TRIO: variants seen among roughly 807,000 people sequenced by gnomAD.
The protein encoded by TRIO is trio Rho guanine nucleotide exchange factor, also known as triple functional domain protein.
A neutral mutation model predicts 351.9 loss-of-function variants in TRIO; 58 were observed. The ratio of observed to expected loss-of-function variants is 0.16; its 90% CI spans 0.13 to 0.21. The LOEUF (loss-of-function observed/expected upper bound fraction) is 0.21. Ranked by LOEUF, TRIO falls within the 10% of genes least tolerant of loss-of-function variation. TRIO has a pLI of 1.00. For missense variants in TRIO, 3,201 were observed against 4,027.8 expected, an observed-to-expected ratio of 0.79 and a Z score of 5.56; for synonymous variants, 1,758 against 1,595.7, an observed-to-expected ratio of 1.10 and a Z score of -2.42.
At chr5:14,406,811 C>T (rs1388289406) in intron 33 of TRIO, 139 bp downstream of exon 33, 1 of 791,496 alleles carries the variant, frequency 1.3e-6, no homozygotes, top group Non-Finnish European at 2.0e-6. Flanking sequence ...GTGCCAGGAT[C>T]CCGTGGTGGG....
intron 1 of TRIO, among the ~76,000 whole-genome samples, chr5:14,234,077 G>A (rs1793631053): frequency 6.6e-6 from 1 of 152,184 alleles, no homozygotes; most frequent in African/African-American, 2.4e-5. Context: ...ATAGGCATGA[G>A]CCACCATGTC....
intron 38 of TRIO, 62 bp downstream of exon 38, chr5:14,471,528 C>T (rs1754689014): frequency 6.3e-7 from 1 of 1,591,008 alleles, no homozygotes. Context: ...TTGTTGCCTT[C>T]AAAAATGTGA....
At position 14,280,411 on chromosome 5, in the gene TRIO, A is replaced by G. The variant is rs753722635; in HGVS notation, c.322A>G (p.Ile108Val). 3 of 1,614,010 alleles carry G rather than the reference A, an allele frequency of 1.9e-6. No homozygotes were observed. The East Asian group carries it at 6.7e-5, about 36-fold the overall frequency. Residue 108 changes from isoleucine to valine, a missense_variant, in exon 3 of 57, where the codon ATT becomes GTT. Around this residue, in one of 19 missense-constraint regions of TRIO, gnomAD observed 109 missense variants for 134.6 expected, o/e 0.81. Transcript: ENST00000344204. ...ACGACAGGAGGATCTCAGGAGACTC[A>G]TTTCCTATCTAGCCTGTATTCCCAG... ...RIRQEDLRRL[I>V]SYLACIPSEE...
intron 1 of TRIO, among the ~76,000 whole-genome samples, chr5:14,148,839 T>C (rs1343064811): frequency 6.6e-6 from 1 of 152,228 alleles, no homozygotes; most frequent in African/African-American, 2.4e-5. Flanking sequence ...TTGAATCTTC[T>C]CAGCCTCATT....
At chr5:14,428,721 A>G (rs1224252823) in intron 34 of TRIO, among the ~76,000 whole-genome samples, 1 of 152,262 alleles carries the variant, frequency 6.6e-6, no homozygotes, top group Non-Finnish European at 1.5e-5. Flanking sequence ...TATTGACACT[A>G]TCCATATTAG....
rs1394015743 is a variant in TRIO, at chr5:14,168,782, C to A, written c.157+24900C>A. On this transcript the variant is annotated intron_variant, in intron 1 of 56. Transcript: ENST00000344204. The stretch of plus-strand genomic sequence containing the variant: ...TGTTACTATATGTCCATCTATGTGG[C>A]CATCTTCTCATTTTAATTACCAATA... Among the ~76,000 whole-genome samples, 7 of 152,200 alleles carry A rather than the reference C, an allele frequency of 4.6e-5. 1 individual carries two copies.
intron 55 of TRIO, among the ~76,000 whole-genome samples, chr5:14,505,115 C>T (rs535110691): frequency 6.6e-6 from 1 of 152,356 alleles, no homozygotes; most frequent in East Asian, 1.9e-4. Flanking sequence ...CCCCTCTGGT[C>T]CCCGTTGTAC....
At chr5:14,252,161 A>G (rs73751318) in intron 1 of TRIO, among the ~76,000 whole-genome samples, 4,965 of 152,280 alleles carry the variant, frequency 0.033, 284 homozygotes, top group African/African-American at 0.11. Context: ...AAAATTAAGC[A>G]TCTTTTATGT....
At chr5:14,284,272 T>G (rs1369849836) in intron 3 of TRIO, among the ~76,000 whole-genome samples, 1 of 152,202 alleles carries the variant, frequency 6.6e-6, no homozygotes, top group African/African-American at 2.4e-5. Context: ...ATAAGTCACA[T>G]TTCCCAAAGA....
chr5:14,217,136 C>A (rs1792275701), intron 1 of TRIO, among the ~76,000 whole-genome samples: 1 of 152,204 alleles, frequency 6.6e-6, no homozygotes, highest in African/African-American at 2.4e-5. Context: ...ATACTTCATT[C>A]CTCCCATTGT....
rs56112380 is a variant in TRIO, at chr5:14,505,568, C to T, written c.8612+975C>T. 7.4e-3 allele frequency among the ~76,000 whole-genome samples: 1,126 copies of T among 152,272 alleles called. 10 individuals are homozygous for T. Among genetic ancestry groups the T allele is most frequent in the Middle Eastern group, 0.014 (4 of 294 alleles). ...CAGACTCAAGCTCGGGGCCCCTCGC[C>T]GGCAGGAACTCCCTCCAGGCCCTGT... On this transcript the variant is annotated intron_variant, in intron 55 of 56. Transcript: ENST00000344204.
chr5:14,185,920 C>A (rs1790080338), intron 1 of TRIO, among the ~76,000 whole-genome samples: 1 of 152,106 alleles, frequency 6.6e-6, no homozygotes, highest in Non-Finnish European at 1.5e-5. Flanking sequence ...ATTTTGAGTA[C>A]CTCCGCCAGT....
At chr5:14,237,600 G>T (rs940926163) in intron 1 of TRIO, among the ~76,000 whole-genome samples, 1 of 152,198 alleles carries the variant, frequency 6.6e-6, no homozygotes, top group Non-Finnish European at 1.5e-5. Context: ...CAGTTGTTGG[G>T]TGGAAATCAA....
intron 4 of TRIO, among the ~76,000 whole-genome samples, chr5:14,288,625 C>T (rs1736649017): frequency 6.6e-6 from 1 of 151,784 alleles, no homozygotes; most frequent in South Asian, 2.1e-4. Flanking sequence ...CGAGATTGTG[C>T]CGCTGCACTC....
intron 21 of TRIO, among the ~76,000 whole-genome samples, chr5:14,383,696 C>T (rs1420895227): frequency 2.0e-5 from 3 of 152,146 alleles, no homozygotes; most frequent in Non-Finnish European, 4.4e-5. Flanking sequence ...AAGAACACCC[C>T]TCACCTTTCC....
At position 14,488,012 on chromosome 5, in the gene TRIO, TC is replaced by T; in HGVS notation, c.7386del (p.Ser2463AlafsTer64). 6.3e-7 allele frequency: 1 copy of T among 1,586,866 alleles called. No individual in the cohort carries two copies. Among genetic ancestry groups the T allele is most frequent in the South Asian group, 1.1e-5 (1 of 87,274 alleles). On this transcript the variant is annotated frameshift_variant, in exon 48 of 57. Transcript: ENST00000344204. LOFTEE classifies it high-confidence loss of function. ...CGCTTCGCCGCTGAACTCGCCGCTC[TC>T]CAGCGCGGTCCCTTCTCTCGGCAAG... ...GAASPLNSPL[S>X]SAVPSLGKEP...
intron 1 of TRIO, among the ~76,000 whole-genome samples, chr5:14,225,823 T>C (rs1792976325): frequency 9.4e-6 from 1 of 106,070 alleles, no homozygotes; most frequent in East Asian, 3.5e-4. Flanking sequence ...CCCAAAAGGA[T>C]GATACAAGGG....
chr5:14,498,179 A>G lies in TRIO; in HGVS notation c.8138A>G (p.Lys2713Arg). 2 of 1,614,166 alleles carry G rather than the reference A, an allele frequency of 1.2e-6. No individual in the cohort carries two copies. Among genetic ancestry groups the G allele is most frequent in the Non-Finnish European group, 1.7e-6 (2 of 1,180,020 alleles). Residue 2713 changes from lysine (K) to arginine (R), a missense_variant, in exon 52 of 57, where the codon AAA becomes AGA. Around this residue, in one of 19 missense-constraint regions of TRIO, gnomAD observed 1,089 missense variants for 954.9 expected, o/e 1.14. Coordinates refer to ENST00000344204, the MANE Select transcript of TRIO (RefSeq NM_007118.4). ...VLRCRVCGRPKASITWKGPEH... is the reference protein window; with the variant it reads ...VLRCRVCGRPRASITWKGPEH... ...AGATGTCGAGTCTGTGGCCGCCCCA[A>G]AGCCTCAATTACCTGGAAGGGCCCT...
At chr5:14,481,379 G>T in intron 44 of TRIO, 95 bp downstream of exon 44, 3 of 1,539,758 alleles carry the variant, frequency 1.9e-6, no homozygotes, top group South Asian at 2.3e-5. Flanking sequence ...CCTGGGAGGG[G>T]GTCAAAGCAG....
Sources: gnomAD v4.1 joint callset for allele counts (sites outside exome capture counted in the v4.1 genomes callset) on GRCh38, gnomAD v4.1.1 for gene constraint, gnomAD v4.1.1 regional missense constraint, MANE v1.5 for transcripts, NCBI Gene and HGNC (gene_info 2026-07-23, HGNC 2026-07-21) for gene names.